The following ACYP2 variants were observed in gnomAD, a reference collection of about 807,000 sequenced individuals.
ACYP2 encodes acylphosphatase-2.
Under a neutral mutation model 11.2 loss-of-function variants are expected in ACYP2, and 12 were observed. The observed-to-expected ratio is 1.08, with a 90% CI of 0.69 to 1.74. The LOEUF is 1.74. Ranked by LOEUF, ACYP2 falls within the 40% of genes most tolerant of loss-of-function variation. The pLI is 0.00. For missense variants in ACYP2, 134 were observed against 101.9 expected (o/e 1.31, Z -1.35); for synonymous variants, 43 against 32.2 (o/e 1.33, Z -1.13).
At chr2:54,006,440 C>A (rs1453895330) in intron 2 of ACYP2, among the ~76,000 whole-genome samples, 1 of 152,090 alleles carries the variant, frequency 6.6e-6, no homozygotes, top group Non-Finnish European at 1.5e-5. Flanking sequence ...AGCCACCGCG[C>A]CCGGCCTCTA....
chr2:54,194,097 G>T (rs1684350842), intron 6 of ACYP2, among the ~76,000 whole-genome samples: 2 of 151,982 alleles, frequency 1.3e-5, no homozygotes, highest in Admixed American at 1.3e-4. Flanking sequence ...GGAGTGCAAT[G>T]GCACGATCTA....
intron 6 of ACYP2, among the ~76,000 whole-genome samples, chr2:54,210,853 A>G (rs1241000234): frequency 6.6e-6 from 1 of 152,184 alleles, no homozygotes; most frequent in Non-Finnish European, 1.5e-5. Context: ...TGACATCTTC[A>G]TTAAATAGGC....
chr2:54,020,082 G>A (rs1444313973), intron 2 of ACYP2, among the ~76,000 whole-genome samples: 1 of 150,392 alleles, frequency 6.6e-6, no homozygotes, highest in African/African-American at 2.5e-5. Flanking sequence ...GATTATAGGT[G>A]CCCACCACCA....
At chr2:54,015,030 T>C (rs1192380061) in intron 2 of ACYP2, among the ~76,000 whole-genome samples, 1 of 152,170 alleles carries the variant, frequency 6.6e-6, no homozygotes, top group Non-Finnish European at 1.5e-5. Flanking sequence ...AAGTGGGGTC[T>C]GGGGAGCAGC....
At chr2:54,200,413 T>A (rs888616435) in intron 6 of ACYP2, among the ~76,000 whole-genome samples, 1 of 152,188 alleles carries the variant, frequency 6.6e-6, no homozygotes, top group African/African-American at 2.4e-5. Context: ...TGGCAGTCAC[T>A]CCCTATTTCC....
At chr2:54,278,198 T>C (rs1688694547) in intron 6 of ACYP2, among the ~76,000 whole-genome samples, 1 of 152,206 alleles carries the variant, frequency 6.6e-6, no homozygotes, top group Non-Finnish European at 1.5e-5. Context: ...CAGGATGGTC[T>C]CAATCTCCTG....
intron 4 of ACYP2, among the ~76,000 whole-genome samples, chr2:54,090,697 T>C (rs925626903): frequency 6.6e-6 from 1 of 152,060 alleles, no homozygotes; most frequent in Non-Finnish European, 1.5e-5. Flanking sequence ...TAGAGTACTC[T>C]AGGATTCTCT....
chr2:54,083,894 C>T (rs1033182163), intron 4 of ACYP2, among the ~76,000 whole-genome samples: 11 of 152,170 alleles, frequency 7.2e-5, no homozygotes, highest in South Asian at 4.1e-4. Context: ...CAGTTTTGAG[C>T]GCTCTCTTTA....
intron 6 of ACYP2, among the ~76,000 whole-genome samples, chr2:54,194,307 T>A (rs989102196): frequency 6.6e-6 from 1 of 152,188 alleles, no homozygotes; most frequent in African/African-American, 2.4e-5. Flanking sequence ...CCTAAAGTGC[T>A]GGGATTACAG....
chr2:54,273,430 A>G (rs1688404776), intron 6 of ACYP2, among the ~76,000 whole-genome samples: 1 of 152,174 alleles, frequency 6.6e-6, no homozygotes, highest in South Asian at 2.1e-4. Context: ...TTAAACTTAA[A>G]ATCTCATTGA....
At chr2:54,047,601 A>C (rs1675595804) in intron 2 of ACYP2, among the ~76,000 whole-genome samples, 1 of 152,212 alleles carries the variant, frequency 6.6e-6, no homozygotes, top group Non-Finnish European at 1.5e-5. Context: ...GTTTGGGCTA[A>C]GTTAGGAATG....
intron 3 of ACYP2, among the ~76,000 whole-genome samples, chr2:54,054,200 T>A (rs1192791987): frequency 1.3e-5 from 2 of 152,216 alleles, no homozygotes; most frequent in African/African-American, 4.8e-5. Flanking sequence ...TACAATGGAA[T>A]AAGATAACTT....
chr2:54,193,854 T>G (rs1054701992), intron 6 of ACYP2, among the ~76,000 whole-genome samples: 1 of 152,158 alleles, frequency 6.6e-6, no homozygotes, highest in Admixed American at 6.6e-5. Context: ...ATTGGCATAA[T>G]GAGTTGGGAA....
At chr2:54,001,498 A>AT (rs1672798537) in intron 2 of ACYP2, among the ~76,000 whole-genome samples, 1 of 152,046 alleles carries the variant, frequency 6.6e-6, no homozygotes, top group Admixed American at 6.6e-5. Context: ...AGTTCAAGTG[A>AT]TTCTCCTGCC....
intron 6 of ACYP2, among the ~76,000 whole-genome samples, chr2:54,215,038 T>A (rs1685499900): frequency 6.6e-6 from 1 of 152,210 alleles, no homozygotes; most frequent in African/African-American, 2.4e-5. Flanking sequence ...CAATTTTGGT[T>A]TGGCTCTCAG....
chr2:54,003,760 G>A (rs960603088), intron 2 of ACYP2, among the ~76,000 whole-genome samples: 1 of 152,180 alleles, frequency 6.6e-6, no homozygotes, highest in African/African-American at 2.4e-5. Flanking sequence ...GATACCAAAT[G>A]TGACTGCTGG....
At chr2:54,228,477 C>T (rs1278165129) in intron 6 of ACYP2, among the ~76,000 whole-genome samples, 2 of 152,124 alleles carry the variant, frequency 1.3e-5, no homozygotes, top group South Asian at 2.1e-4. Context: ...TAAGGTCATA[C>T]GATCTGTGCT....
At chr2:54,112,221 G>T (rs190166293) in intron 4 of ACYP2, among the ~76,000 whole-genome samples, 2 of 152,022 alleles carry the variant, frequency 1.3e-5, no homozygotes, top group Non-Finnish European at 2.9e-5. Context: ...TGTCTTAAAG[G>T]GTTCAAAGAA....
intron 3 of ACYP2, among the ~76,000 whole-genome samples, chr2:54,056,568 A>G (rs1480904639): frequency 2.0e-5 from 3 of 152,220 alleles, no homozygotes; most frequent in African/African-American, 4.8e-5. Context: ...TATTCTTTAA[A>G]TGAATGATAT....
Sources: gnomAD v4.1 joint callset for allele counts (sites outside exome capture counted in the v4.1 genomes callset) on GRCh38, gnomAD v4.1.1 for gene constraint, MANE v1.5 for transcripts, NCBI Gene and HGNC (gene_info 2026-07-23, HGNC 2026-07-21) for gene names.